Variants in TNFAIP8L3 observed in about 807,000 individuals in gnomAD.
TNFAIP8L3 encodes tumor necrosis factor alpha-induced protein 8-like protein 3.
Under a neutral mutation model 11.8 loss-of-function variants are expected in TNFAIP8L3, and 7 were observed. That is an observed-to-expected ratio of 0.59 (90% CI 0.34 to 1.11). TNFAIP8L3 has a LOEUF of 1.11. TNFAIP8L3 is among the 50% of genes most tolerant of loss of function. TNFAIP8L3 has a pLI of 0.03. For missense variants in TNFAIP8L3, 219 were observed against 258.6 expected (o/e 0.85, Z 1.05); for synonymous variants, 98 against 103.8 (o/e 0.94, Z 0.34).
chr15:51,070,774 C>T lies in TNFAIP8L3; in HGVS notation c.53-12331G>A, dbSNP rs565621977. ...CAAGAATTAATTTTCTGGCCGGGCGCGGTGGCTCACGCCTGTAATCCCAGC... is the reference window on the plus strand; with the variant it reads ...CAAGAATTAATTTTCTGGCCGGGCGTGGTGGCTCACGCCTGTAATCCCAGC... On this transcript the variant is annotated intron_variant, in intron 1 of 1. Coordinates refer to ENST00000637513, the MANE Select transcript of TNFAIP8L3 (RefSeq NM_001311175.2). Among the ~76,000 whole-genome samples, 147 of 152,084 alleles carry T rather than the reference C, an allele frequency of 9.7e-4. 1 individual carries two copies. The highest frequency in any genetic ancestry group is 1.7e-3 in the South Asian group (8 of 4,802).
chr15:51,084,995 A>C (rs1334964454), intron 1 of TNFAIP8L3, among the ~76,000 whole-genome samples: 1 of 152,222 alleles, frequency 6.6e-6, no homozygotes, highest in Non-Finnish European at 1.5e-5. Context: ...ATACACAGAG[A>C]AGTTAGAAAC....
chr15:51,063,746 TG>T, intron 1 of TNFAIP8L3, among the ~76,000 whole-genome samples: 1 of 152,248 alleles, frequency 6.6e-6, no homozygotes, highest in African/African-American at 2.4e-5. Flanking sequence ...GCAAGGAGGC[TG>T]GATATTGACA....
chr15:51,091,099 C>T (rs1454813516), intron 1 of TNFAIP8L3, among the ~76,000 whole-genome samples: 1 of 152,008 alleles, frequency 6.6e-6, no homozygotes, highest in Non-Finnish European at 1.5e-5. Context: ...GTTCCATAAA[C>T]CTTGCCTCTT....
At chr15:51,099,400 A>G (rs1440134018), upstream of TNFAIP8L3, among the ~76,000 whole-genome samples, 1 of 152,134 alleles carries the variant, frequency 6.6e-6, no homozygotes, top group Non-Finnish European at 1.5e-5. Flanking sequence ...ATGCAATTAT[A>G]GTGACTCAAA....
chr15:51,081,336 G>A (rs554738887), intron 1 of TNFAIP8L3, among the ~76,000 whole-genome samples: 2 of 152,226 alleles, frequency 1.3e-5, no homozygotes, highest in African/African-American at 4.8e-5. Flanking sequence ...CCCATGGGGG[G>A]CCCAGCTTTT....
At chr15:51,073,078 C>T (rs1207757147) in intron 1 of TNFAIP8L3, among the ~76,000 whole-genome samples, 1 of 150,296 alleles carries the variant, frequency 6.7e-6, no homozygotes, top group Non-Finnish European at 1.5e-5. Context: ...CTCACTGCAA[C>T]CTCCACCTCC....
At chr15:51,064,340 T>A (rs1403322767) in intron 1 of TNFAIP8L3, among the ~76,000 whole-genome samples, 1 of 152,224 alleles carries the variant, frequency 6.6e-6, no homozygotes, top group African/African-American at 2.4e-5. Flanking sequence ...GATGACAATA[T>A]ATCATGGTTT....
chr15:51,071,382 C>T (rs2065308052), intron 1 of TNFAIP8L3, among the ~76,000 whole-genome samples: 1 of 152,194 alleles, frequency 6.6e-6, no homozygotes, highest in African/African-American at 2.4e-5. Flanking sequence ...TCTTCTGCTT[C>T]TAGCTCCCAG....
At chr15:51,067,187 T>C (rs1053990321) in intron 1 of TNFAIP8L3, among the ~76,000 whole-genome samples, 11 of 152,172 alleles carry the variant, frequency 7.2e-5, no homozygotes, top group African/African-American at 2.7e-4. Flanking sequence ...GCACCCATGG[T>C]AAAACTTAGA....
chr15:51,058,221 T>C lies in TNFAIP8L3; in HGVS notation c.275A>G (p.Tyr92Cys). The C allele has an allele frequency of 2.5e-6, 4 of 1,614,212 alleles. No homozygotes were observed. The highest frequency in any genetic ancestry group is 1.3e-5 in the African/African-American group (1 of 75,056). The change falls in exon 2 of 2, where the codon TAC (tyrosine) becomes TGC (cysteine). Residue 92 changes from tyrosine to cysteine, a missense_variant. Transcript: ENST00000637513. ...IKVAIKIGIL[Y>C]RNNQFSQEEL... ...CTCTTGGCTAAACTGGTTGTTCCGG[T>C]AGAGGATCCCGATTTTGATCGCCAC...
chr15:51,060,639 C>T (rs2065236936), intron 1 of TNFAIP8L3, among the ~76,000 whole-genome samples: 1 of 152,230 alleles, frequency 6.6e-6, no homozygotes, highest in East Asian at 1.9e-4. Context: ...ACTGGCCACA[C>T]ACAGCAGGTG....
chr15:51,079,924 T>C (rs913178977), intron 1 of TNFAIP8L3, among the ~76,000 whole-genome samples: 3 of 148,574 alleles, frequency 2.0e-5, no homozygotes, highest in South Asian at 2.1e-4. Context: ...GGGAGGCTTA[T>C]AACATGATGT....
Position 51,067,990 on chromosome 15 carries a change from G to A in TNFAIP8L3, c.53-9547C>T, listed in dbSNP as rs528188641. On this transcript the variant is annotated intron_variant, in intron 1 of 1. Transcript: ENST00000637513. ...TTCAAAAATTTCCATGGGACAACTT[G>A]AAGAATGGATTTCAAATACTTTTAC... Among the ~76,000 whole-genome samples the A allele has an allele frequency of 2.6e-5, 4 of 152,354 alleles. No individual in the cohort carries two copies. In the South Asian group the frequency reaches 6.2e-4, roughly 24 times the overall value.
intron 1 of TNFAIP8L3, among the ~76,000 whole-genome samples, chr15:51,091,444 G>A (rs1306750984): frequency 1.3e-5 from 2 of 152,174 alleles, no homozygotes; most frequent in Admixed American, 6.5e-5. Context: ...TGTGGGAGGT[G>A]GAGGGCAGGG....
At chr15:51,063,908 C>T (rs1334767183) in intron 1 of TNFAIP8L3, among the ~76,000 whole-genome samples, 1 of 152,152 alleles carries the variant, frequency 6.6e-6, no homozygotes, top group East Asian at 1.9e-4. Flanking sequence ...TGGATATAGG[C>T]CAGTACTTTT....
At chr15:51,103,117 C>G (rs1200999948) in intron 1 of TNFAIP8L3, among the ~76,000 whole-genome samples, 1 of 152,142 alleles carries the variant, frequency 6.6e-6, no homozygotes, top group African/African-American at 2.4e-5. Flanking sequence ...CCCGCCAAGT[C>G]TTCTCTTGGC....
chr15:51,091,580 C>T (rs1487472563), intron 1 of TNFAIP8L3, among the ~76,000 whole-genome samples: 1 of 151,874 alleles, frequency 6.6e-6, no homozygotes, highest in Admixed American at 6.6e-5. Flanking sequence ...ATAGGAGAAG[C>T]TGGTGAAAGC....
chr15:51,073,876 G>A (rs1208812556), intron 1 of TNFAIP8L3, among the ~76,000 whole-genome samples: 2 of 152,130 alleles, frequency 1.3e-5, no homozygotes, highest in South Asian at 2.1e-4. Flanking sequence ...CTTTTAAGTA[G>A]AAATGTATCC....
chr15:51,058,981 G>T (rs557981914), intron 1 of TNFAIP8L3, among the ~76,000 whole-genome samples: 35 of 152,322 alleles, frequency 2.3e-4, no homozygotes, highest in African/African-American at 7.7e-4. Flanking sequence ...TTGAAATATT[G>T]AAAATTGGAT....
Sources: allele counts gnomAD v4.1 joint callset (sites outside exome capture counted in the v4.1 genomes callset), GRCh38; gene constraint gnomAD v4.1.1; transcripts MANE v1.5; gene names NCBI Gene and HGNC (gene_info 2026-07-23, HGNC 2026-07-21).